The following DPYSL2 variants were observed in gnomAD, a reference collection of about 807,000 sequenced individuals.
DPYSL2 encodes the protein dihydropyrimidinase-related protein 2.
A neutral mutation model predicts 69.9 loss-of-function variants in DPYSL2; 13 were observed. The observed-to-expected ratio is 0.19, with a 90% CI of 0.12 to 0.30. DPYSL2 has a LOEUF of 0.30. Ranked by LOEUF, DPYSL2 falls within the 10% of genes least tolerant of loss-of-function variation. The pLI, the probability that DPYSL2 is intolerant of heterozygous loss-of-function variation, is 1.00. For synonymous variants in DPYSL2, 326 were observed against 359.1 expected (o/e 0.91, Z 1.04); for missense variants, 587 against 918.9 (o/e 0.64, Z 4.67).
chr8:26,560,973 A>G lies in DPYSL2; in HGVS notation c.355-20996A>G, dbSNP rs1393981412. ...AAGTTGTAAGAGAGCAGCTGTCCACAGTTATTAATGGTACCTTACACTACA... is the reference window on the plus strand; with the variant it reads ...AAGTTGTAAGAGAGCAGCTGTCCACGGTTATTAATGGTACCTTACACTACA... On this transcript the variant is annotated intron_variant, in intron 1 of 13. Coordinates refer to ENST00000521913, the MANE Select transcript of DPYSL2 (RefSeq NM_001197293.3). The surrounding 1 kb of genome is among the most constrained non-coding windows in gnomAD (Gnocchi z 4.4). 6.6e-6 allele frequency among the ~76,000 whole-genome samples: 1 copy of G among 152,050 alleles called. No homozygotes were observed. The highest frequency in any genetic ancestry group is 1.5e-5 in the Non-Finnish European group (1 of 68,018).
rs116238345 is a variant in DPYSL2, at chr8:26,611,556, G to C, written c.629-12587G>C. On this transcript the variant is annotated intron_variant, in intron 3 of 13. Coordinates refer to ENST00000521913, the MANE Select transcript of DPYSL2 (RefSeq NM_001197293.3). Reference sequence around the variant, plus strand: ...TTTCTCCCACTGGTGGAAGGGATATGAGGTGCTGTAAACGTGGCCTTTTTT... The same window carrying C: ...TTTCTCCCACTGGTGGAAGGGATATCAGGTGCTGTAAACGTGGCCTTTTTT... Among the ~76,000 whole-genome samples, 856 of 152,338 alleles carry C rather than the reference G, an allele frequency of 5.6e-3. 7 individuals are homozygous for C. Among genetic ancestry groups the C allele is most frequent in the African/African-American group, 0.017 (719 of 41,574 alleles).
rs1221580716 is a variant in DPYSL2 at position 26,614,405 on chromosome 8, G to A, written c.629-9738G>A. 6.6e-6 allele frequency among the ~76,000 whole-genome samples: 1 copy of A among 152,134 alleles called. No homozygotes were observed. ...ATAGCTCGATGAGAAGAGAGGGGTGGGGACAGGCGGTAGCTGGAGGGTCCT... is the reference window on the plus strand; with the variant it reads ...ATAGCTCGATGAGAAGAGAGGGGTGAGGACAGGCGGTAGCTGGAGGGTCCT... On this transcript the variant is annotated intron_variant, in intron 3 of 13. Coordinates refer to ENST00000521913, the MANE Select transcript of DPYSL2 (RefSeq NM_001197293.3). This position sits in a 1 kb window ranked among gnomAD's most constrained non-coding sequence, Gnocchi z 4.9.
chr8:26,528,885 G>A (rs1418647163), intron 1 of DPYSL2, among the ~76,000 whole-genome samples: 4 of 152,024 alleles, frequency 2.6e-5, no homozygotes, highest in African/African-American at 4.8e-5. Context: ...AACATTGATG[G>A]GCCCTGGAGC....
At chr8:26,618,507 T>TG (rs1452017166) in intron 3 of DPYSL2, among the ~76,000 whole-genome samples, 5 of 135,446 alleles carry the variant, frequency 3.7e-5, no homozygotes, top group Admixed American at 7.7e-5. Flanking sequence ...TTTGTAGAGT[T>TG]GGGGTCTCAC....
At chr8:26,583,109 A>G (rs1481979806) in intron 2 of DPYSL2, among the ~76,000 whole-genome samples, 1 of 152,228 alleles carries the variant, frequency 6.6e-6, no homozygotes. Flanking sequence ...GATTTGTTCT[A>G]GAACTTTATC....
At chr8:26,592,428 C>G (rs1336339245) in intron 3 of DPYSL2, among the ~76,000 whole-genome samples, 6 of 151,734 alleles carry the variant, frequency 4.0e-5, no homozygotes, top group African/African-American at 1.5e-4. Flanking sequence ...GCTGGGATTA[C>G]AGGCGTGAGC....
At position 26,597,053 on chromosome 8, in the gene DPYSL2, A is replaced by T. The variant is rs1394372469; in HGVS notation, c.628+13070A>T. On this transcript the variant is annotated intron_variant, in intron 3 of 13. Coordinates refer to ENST00000521913, the MANE Select transcript of DPYSL2 (RefSeq NM_001197293.3). The surrounding 1 kb of genome is among the most constrained non-coding windows in gnomAD (Gnocchi z 5.2). ...CTTTTTCTGTAATATATAGGCAGAA[A>T]ATGATCAGATATCATACGTCTCCTA... Among the ~76,000 whole-genome samples, 1 of 152,184 alleles carries T rather than the reference A, an allele frequency of 6.6e-6. No homozygotes were observed. Among genetic ancestry groups the T allele is most frequent in the Non-Finnish European group, 1.5e-5 (1 of 68,032 alleles).
At chr8:26,632,791 C>T (rs1802809256) in intron 7 of DPYSL2, among the ~76,000 whole-genome samples, 1 of 152,224 alleles carries the variant, frequency 6.6e-6, no homozygotes, top group African/African-American at 2.4e-5. Context: ...GCTGCCGGGC[C>T]ACAGGCATCT....
intron 1 of DPYSL2, among the ~76,000 whole-genome samples, chr8:26,529,273 TATC>T (rs57844113): frequency 0.4 from 51,023 of 127,276 alleles, 10,304 homozygotes; most frequent in East Asian, 0.5. Flanking sequence ...TCTATCTATC[TATC>T]ATCTATCTAT....
chr8:26,555,301 A>C (rs1444169041), intron 1 of DPYSL2, among the ~76,000 whole-genome samples: 2 of 152,178 alleles, frequency 1.3e-5, no homozygotes, highest in Non-Finnish European at 2.9e-5. Flanking sequence ...TTAGGAAGGA[A>C]GAAATAAAAC....
chr8:26,578,352 T>C, intron 1 of DPYSL2: 2 of 1,604,214 alleles, frequency 1.2e-6, no homozygotes, highest in South Asian at 2.3e-5. Flanking sequence ...GCACAGAAGG[T>C]CTAAGGAATT....
intron 3 of DPYSL2, among the ~76,000 whole-genome samples, chr8:26,606,979 G>C (rs1386948426): frequency 6.6e-6 from 1 of 152,176 alleles, no homozygotes; most frequent in African/African-American, 2.4e-5. Context: ...TAATAAGACA[G>C]ACAGTATCTA....
At chr8:26,599,400 A>G (rs925141142) in intron 3 of DPYSL2, among the ~76,000 whole-genome samples, 2 of 151,932 alleles carry the variant, frequency 1.3e-5, no homozygotes, top group Admixed American at 6.6e-5. Flanking sequence ...TTCCCTCTTC[A>G]TGTATTAGCT....
At position 26,588,535 on chromosome 8, in the gene DPYSL2, C is replaced by G. The variant is rs954082978; in HGVS notation, c.628+4552C>G. 6.6e-6 allele frequency among the ~76,000 whole-genome samples: 1 copy of G among 152,150 alleles called. No homozygotes were observed. The highest frequency in any genetic ancestry group is 1.5e-5 in the Non-Finnish European group (1 of 68,008). ...TGCTCACCTGAACTCCAGGCTCTCT[C>G]TAGAGGAGGTGCACCCTCAGGCACA... On this transcript the variant is annotated intron_variant, in intron 3 of 13. Transcript: ENST00000521913. The surrounding 1 kb of genome is among the most constrained non-coding windows in gnomAD (Gnocchi z 5.4).
intron 3 of DPYSL2, among the ~76,000 whole-genome samples, chr8:26,622,695 G>T (rs1382587712): frequency 1.3e-5 from 2 of 152,036 alleles, no homozygotes; most frequent in Non-Finnish European, 2.9e-5. Context: ...TAGATACAGG[G>T]TTTCACCATG....
In DPYSL2 at chr8:26,626,772, T is replaced by A. The variant is rs538719329; in HGVS notation, c.855+94T>A. ...AAGCAGTCTCCGATGTATGCATGTT[T>A]CCTAGCTTCCTGGGAAGTGGCTGGT... On this transcript the variant is annotated intron_variant, in intron 5 of 13. Transcript: ENST00000521913. This position sits in a 1 kb window ranked among gnomAD's most constrained non-coding sequence, Gnocchi z 4.3. The A allele has an allele frequency of 2.0e-5, 26 of 1,311,170 alleles. No individual in the cohort carries two copies. In the African/African-American group the frequency reaches 3.5e-4, roughly 18 times the overall value. 81.2% of individuals were successfully genotyped at this position (1,311,170 alleles called of 1,614,324 possible). A position where few individuals can be genotyped will look rare whatever the true frequency, so the allele number is the denominator to read the frequency against.
intron 3 of DPYSL2, among the ~76,000 whole-genome samples, chr8:26,589,556 G>C (rs1406325415): frequency 2.6e-5 from 4 of 152,224 alleles, no homozygotes; most frequent in Non-Finnish European, 4.4e-5. Context: ...GGAGGGTTTA[G>C]GTATCCGACG....
chr8:26,540,892 G>A (rs1800669292), intron 1 of DPYSL2, among the ~76,000 whole-genome samples: 2 of 135,932 alleles, frequency 1.5e-5, no homozygotes, highest in Non-Finnish European at 3.1e-5. Context: ...GTGACAGAGT[G>A]AGACTCTGTC....
At position 26,644,973 on chromosome 8, in the gene DPYSL2, A is replaced by C. The variant is rs1803129633; in HGVS notation, c.1425+882A>C. Among the ~76,000 whole-genome samples, 1 of 152,244 alleles carries C rather than the reference A, an allele frequency of 6.6e-6. No homozygotes were observed. Among genetic ancestry groups the C allele is most frequent in the African/African-American group, 2.4e-5 (1 of 41,462 alleles). ...ATATATCCTTATTTCCAGAAGAATA[A>C]GGAAGTAAATAAAAGTCACTGTGTT... On this transcript the variant is annotated intron_variant, in intron 10 of 13. Coordinates refer to ENST00000521913, the MANE Select transcript of DPYSL2 (RefSeq NM_001197293.3). This position sits in a 1 kb window ranked among gnomAD's most constrained non-coding sequence, Gnocchi z 4.5.
Sources: gnomAD v4.1 joint callset for allele counts (sites outside exome capture counted in the v4.1 genomes callset) on GRCh38, gnomAD v4.1.1 for gene constraint, Gnocchi (gnomAD v3.1) non-coding constraint, MANE v1.5 for transcripts, NCBI Gene and HGNC (gene_info 2026-07-23, HGNC 2026-07-21) for gene names.